Variants in SCN11A observed in about 807,000 individuals in gnomAD.
The protein encoded by SCN11A is sodium channel protein type 11 subunit alpha.
Under a neutral mutation model 162.2 loss-of-function variants are expected in SCN11A, and 122 were observed. The observed-to-expected ratio is 0.75, with a 90% CI of 0.65 to 0.87. The LOEUF is 0.87. Among genes scored for constraint, SCN11A ranks in the 40% least tolerant of loss-of-function variants. SCN11A has a pLI of 0.00. For missense variants in SCN11A, 2,015 were observed against 2,181.6 expected (o/e 0.92, Z 1.52); for synonymous variants, 758 against 751.5 (o/e 1.01, Z -0.14).
intron 7 of SCN11A, 69 bp downstream of exon 7, chr3:38,945,342 T>G: frequency 1.0e-6 from 1 of 957,574 alleles, no homozygotes; most frequent in Non-Finnish European, 1.6e-6. Flanking sequence ...CTCTCCAGTG[T>G]AATCATTAAC....
At chr3:38,955,746 T>G (rs2066672955) in intron 3 of SCN11A, among the ~76,000 whole-genome samples, 3 of 152,200 alleles carry the variant, frequency 2.0e-5, no homozygotes, top group Admixed American at 2.0e-4. Context: ...AGATTCTGAA[T>G]GACTCTTTAC....
Position 38,905,313 on chromosome 3 carries a change from G to A in SCN11A, c.1482C>T (p.Leu494=). Residue 494 remains leucine, a synonymous_variant, in exon 15 of 30, where the codon CTC becomes CTT. Transcript: ENST00000302328. The stretch of plus-strand genomic sequence containing the variant: ...GGGACAGTCGTTTGGTTTGCTCTAG[G>A]AGCTGTGGCTGTAAGAGAAGGCATA... ...SDEDCQKKPQ[L]LEQTKRLSQN... 1 of 1,613,570 alleles carries A rather than the reference G, an allele frequency of 6.2e-7. No homozygotes were observed. The highest frequency in any genetic ancestry group is 1.3e-5 in the African/African-American group (1 of 75,022).
Position 38,894,845 on chromosome 3 carries a change from C to T in SCN11A, c.2523G>A (p.Arg841=), listed in dbSNP as rs2065567402. ...KVQLALDRFR[R]AFCFVRHTLE... ...GAGTGTGTCTCACAAAACAAAAAGC[C>T]CGGCGGAATCGATCCAGTGCTAACT... Residue 841 remains arginine, a synonymous_variant, in exon 19 of 30, where the codon CGG becomes CGA. Transcript: ENST00000302328. The T allele has an allele frequency of 6.2e-7, 1 of 1,614,162 alleles. No individual in the cohort carries two copies. Among genetic ancestry groups the T allele is most frequent in the Non-Finnish European group, 8.5e-7 (1 of 1,180,018 alleles).
At chr3:39,019,836 TATC>T (rs1235971489) in intron 2 of SCN11A, among the ~76,000 whole-genome samples, 1 of 152,254 alleles carries the variant, frequency 6.6e-6, no homozygotes, top group Non-Finnish European at 1.5e-5. Context: ...GGGTTTTTCT[TATC>T]ATCGCTTTCA....
rs754661452 is a variant in SCN11A, at chr3:38,850,641, G to C, written c.4167C>G (p.Asn1389Lys). ...NMISMMAESY[N>K]QPKAMKSILD... The stretch of plus-strand genomic sequence containing the variant: ...GGATGGATTTCATGGCTTTGGGTTG[G>C]TTGTATGATTCAGCCATCATGCTAA... Residue 1389 changes from asparagine (N) to lysine (K), a missense_variant, in exon 29 of 30, where the codon AAC (asparagine) becomes AAG (lysine). Coordinates refer to ENST00000302328, the MANE Select transcript of SCN11A (RefSeq NM_001349253.2). 1.9e-6 allele frequency: 3 copies of C among 1,613,960 alleles called. No individual in the cohort carries two copies. The highest frequency in any genetic ancestry group is 2.5e-6 in the Non-Finnish European group (3 of 1,179,884).
At chr3:38,983,483 G>T (rs982103700) in intron 2 of SCN11A, among the ~76,000 whole-genome samples, 1 of 152,166 alleles carries the variant, frequency 6.6e-6, no homozygotes, top group African/African-American at 2.4e-5. Flanking sequence ...CTTGAATGGG[G>T]AAAGAAAGTA....
chr3:38,938,509 CATATATATAT>C (rs1166609754), intron 7 of SCN11A, among the ~76,000 whole-genome samples: 1,637 of 35,420 alleles, frequency 0.046, 67 homozygotes, highest in East Asian at 0.1. Context: ...GGAAAAATAT[CATATATATAT>C]ATATATATAT....
chr3:38,853,593 A>G (rs1402456491), intron 28 of SCN11A, among the ~76,000 whole-genome samples: 1 of 152,206 alleles, frequency 6.6e-6, no homozygotes, highest in African/African-American at 2.4e-5. Flanking sequence ...GCCTTAAAAC[A>G]TATTTTTTTG....
At chr3:38,943,083 A>G (rs2066464273) in intron 7 of SCN11A, among the ~76,000 whole-genome samples, 1 of 152,172 alleles carries the variant, frequency 6.6e-6, no homozygotes, top group Non-Finnish European at 1.5e-5. Context: ...GCATCAATAG[A>G]TAAATGGGAA....
chr3:38,857,381 T>C (rs914745851), intron 28 of SCN11A, among the ~76,000 whole-genome samples: 4 of 151,924 alleles, frequency 2.6e-5, no homozygotes, highest in Non-Finnish European at 5.9e-5. Flanking sequence ...GTTTCAACAA[T>C]AGACTAGGAC....
chr3:38,915,595 A>G (rs1314912906), intron 11 of SCN11A, among the ~76,000 whole-genome samples: 1 of 152,084 alleles, frequency 6.6e-6, no homozygotes, highest in Non-Finnish European at 1.5e-5. Flanking sequence ...TTTAATTTCC[A>G]TGTAATTGCA....
chr3:38,894,501 T>G, intron 19 of SCN11A, 32 bp downstream of exon 19: 147 of 1,529,632 alleles, frequency 9.6e-5, no homozygotes, highest in Middle Eastern at 1.7e-4. Context: ...CAGCTTTGTA[T>G]GACCTTTAAG....
chr3:38,991,857 G>A (rs536431051), intron 2 of SCN11A, among the ~76,000 whole-genome samples: 1 of 152,192 alleles, frequency 6.6e-6, no homozygotes, highest in Admixed American at 6.5e-5. Flanking sequence ...CCCCCAGGCT[G>A]GAGTGCAGTG....
intron 1 of SCN11A, among the ~76,000 whole-genome samples, chr3:39,046,884 T>G (rs2032194557): frequency 6.9e-6 from 1 of 144,672 alleles, no homozygotes; most frequent in Non-Finnish European, 1.5e-5. Flanking sequence ...CCATGCCCGG[T>G]TAATTTTTGT....
intron 7 of SCN11A, among the ~76,000 whole-genome samples, chr3:38,940,632 A>G (rs1459882283): frequency 2.0e-5 from 3 of 152,204 alleles, no homozygotes; most frequent in Non-Finnish European, 2.9e-5. Context: ...AGTCAGATCT[A>G]TTTATGACAC....
At chr3:39,041,706 C>A (rs2032052181) in intron 1 of SCN11A, among the ~76,000 whole-genome samples, 3 of 152,058 alleles carry the variant, frequency 2.0e-5, no homozygotes, top group Non-Finnish European at 2.9e-5. Flanking sequence ...TTAAGGGAGT[C>A]CTACATCTGG....
intron 2 of SCN11A, among the ~76,000 whole-genome samples, chr3:38,984,498 G>A (rs1575346997): frequency 1.3e-5 from 2 of 151,346 alleles, no homozygotes; most frequent in African/African-American, 2.4e-5. Context: ...TTCTGAGGAG[G>A]TGAAATTTGT....
intron 2 of SCN11A, among the ~76,000 whole-genome samples, chr3:38,994,781 C>T (rs763253185): frequency 2.0e-5 from 3 of 151,956 alleles, no homozygotes; most frequent in African/African-American, 7.3e-5. Flanking sequence ...ACAAGATCCA[C>T]CTGGAGACAG....
chr3:38,979,696 T>C (rs184853298), intron 2 of SCN11A, among the ~76,000 whole-genome samples: 233 of 152,326 alleles, frequency 1.5e-3, no homozygotes, highest in Non-Finnish European at 2.9e-3. Flanking sequence ...TCTCTCTATC[T>C]CCACTGCCAA....
Sources: gnomAD v4.1 joint callset for allele counts (sites outside exome capture counted in the v4.1 genomes callset) on GRCh38, gnomAD v4.1.1 for gene constraint, MANE v1.5 for transcripts, NCBI Gene and HGNC (gene_info 2026-07-23, HGNC 2026-07-21) for gene names.